Variants in ATF7IP observed in about 807,000 individuals in gnomAD.
ATF7IP encodes the protein activating transcription factor 7 interacting protein.
ATF7IP carries 23 observed loss-of-function variants against 106.4 expected under a neutral mutation model. The ratio of observed to expected loss-of-function variants is 0.22; its 90% confidence interval spans 0.16 to 0.31. ATF7IP has a LOEUF of 0.31. Among genes scored for constraint, ATF7IP ranks in the 10% least tolerant of loss-of-function variants. The pLI is 1.00. For missense variants in ATF7IP, 1,334 were observed against 1,524.3 expected (o/e 0.88, Z 2.08); for synonymous variants, 542 against 539.0 (o/e 1.01, Z -0.08).
At chr12:14,477,303 A>T (rs1944291803) in intron 11 of ATF7IP, among the ~76,000 whole-genome samples, 1 of 152,208 alleles carries the variant, frequency 6.6e-6, no homozygotes, top group Non-Finnish European at 1.5e-5. Flanking sequence ...TTAAAACTGA[A>T]TTGAGAAATG....
intron 10 of ATF7IP, among the ~76,000 whole-genome samples, chr12:14,474,273 G>A (rs1312025936): frequency 6.6e-6 from 1 of 150,740 alleles, no homozygotes; most frequent in Non-Finnish European, 1.5e-5. Flanking sequence ...CTGCTTTTAT[G>A]CCTACATTAA....
chr12:14,473,615 T>C (rs939935561), intron 10 of ATF7IP, among the ~76,000 whole-genome samples: 34 of 152,104 alleles, frequency 2.2e-4, no homozygotes, highest in African/African-American at 8.0e-4. Flanking sequence ...GTTTACCTTT[T>C]CTGGTCCTCT....
rs140864578 is a variant in ATF7IP, at chr12:14,454,583, A to T, written c.1996-1978A>T. 1.3e-3 allele frequency among the ~76,000 whole-genome samples: 198 copies of T among 152,148 alleles called. 1 individual carries two copies. The highest frequency in any genetic ancestry group is 4.7e-3 in the African/African-American group (193 of 41,486). The stretch of plus-strand genomic sequence containing the variant: ...GGGGTATAGTGAGTAAATGCAATGT[A>T]TTTTCCTAACTGTTCCAGTGTGCCT... On this transcript the variant is annotated intron_variant, in intron 6 of 14. Transcript: ENST00000261168.
At chr12:14,439,041 A>G (rs1027459088) in intron 5 of ATF7IP, among the ~76,000 whole-genome samples, 3 of 152,174 alleles carry the variant, frequency 2.0e-5, no homozygotes, top group Non-Finnish European at 4.4e-5. Context: ...CGTATTTATT[A>G]ATTTCTACTT....
intron 5 of ATF7IP, among the ~76,000 whole-genome samples, chr12:14,446,339 G>T (rs887435987): frequency 6.6e-6 from 1 of 151,962 alleles, no homozygotes; most frequent in South Asian, 2.1e-4. Flanking sequence ...GTAGAGATGG[G>T]GTTTCACCAT....
At chr12:14,457,446 TG>T in intron 8 of ATF7IP, 151 bp downstream of exon 8, 1 of 617,404 alleles carries the variant, frequency 1.6e-6, no homozygotes, top group Non-Finnish European at 2.8e-6. Context: ...AGGATCAAAC[TG>T]GGTATGGTGG....
chr12:14,473,806 G>A (rs574241434), intron 10 of ATF7IP, among the ~76,000 whole-genome samples: 2,069 of 146,328 alleles, frequency 0.014, 58 homozygotes, highest in African/African-American at 0.05. Context: ...ATTCTTAAAG[G>A]TTTTTTTTTT....
intron 1 of ATF7IP, among the ~76,000 whole-genome samples, chr12:14,406,752 C>T (rs1218715723): frequency 6.6e-6 from 1 of 151,394 alleles, no homozygotes; most frequent in African/African-American, 2.4e-5. Context: ...GCCACCACGC[C>T]TGGCTGACTT....
intron 13 of ATF7IP, among the ~76,000 whole-genome samples, chr12:14,491,177 T>C (rs1315856890): frequency 6.6e-6 from 1 of 152,190 alleles, no homozygotes; most frequent in Non-Finnish European, 1.5e-5. Context: ...ACGGACCTGC[T>C]GCAGAGCCTT....
At chr12:14,368,075 TTTAAA>T (rs1451461783) in intron 1 of ATF7IP, among the ~76,000 whole-genome samples, 9 of 152,102 alleles carry the variant, frequency 5.9e-5, no homozygotes, top group African/African-American at 1.4e-4. Context: ...CTATTTTTTC[TTTAAA>T]TTAGGTTTTG....
chr12:14,477,580 T>C (rs542258724), intron 11 of ATF7IP, among the ~76,000 whole-genome samples: 1 of 152,144 alleles, frequency 6.6e-6, no homozygotes, highest in Non-Finnish European at 1.5e-5. Context: ...CCTCATGGGG[T>C]CTTTTTGTTG....
intron 1 of ATF7IP, among the ~76,000 whole-genome samples, chr12:14,386,425 C>T (rs1047963614): frequency 2.0e-5 from 3 of 152,166 alleles, no homozygotes; most frequent in South Asian, 2.1e-4. Context: ...ATAATATACT[C>T]CTGGTTTTGT....
intron 1 of ATF7IP, among the ~76,000 whole-genome samples, chr12:14,399,807 C>T (rs1163683278): frequency 4.6e-5 from 7 of 151,948 alleles, no homozygotes; most frequent in Non-Finnish European, 7.4e-5. Context: ...GGATTTGGCA[C>T]CTGACCTTTT....
At chr12:14,366,409 C>G (rs1188203155) in intron 1 of ATF7IP, among the ~76,000 whole-genome samples, 1 of 152,056 alleles carries the variant, frequency 6.6e-6, no homozygotes, top group Non-Finnish European at 1.5e-5. Flanking sequence ...ATTTTTAACC[C>G]TATTTTTACC....
chr12:14,383,675 C>T (rs1939090240), intron 1 of ATF7IP, among the ~76,000 whole-genome samples: 1 of 152,174 alleles, frequency 6.6e-6, no homozygotes, highest in East Asian at 1.9e-4. Flanking sequence ...GCATCAGCCT[C>T]TTGAGTAGCT....
At position 14,461,031 on chromosome 12, in the gene ATF7IP, A is replaced by G; in HGVS notation, c.2695A>G (p.Ser899Gly). 6.2e-7 allele frequency: 1 copy of G among 1,614,158 alleles called. No individual in the cohort carries two copies. Among genetic ancestry groups the G allele is most frequent in the Non-Finnish European group, 8.5e-7 (1 of 1,180,028 alleles). ...LPTVGPSGLYSPSTNRGPIQM... is the reference protein window; with the variant it reads ...LPTVGPSGLYGPSTNRGPIQM... ...CACAGTGGGCCCATCAGGACTCTATAGTCCATCAACTAATCGAGGTCCTAT... is the reference window on the plus strand; with the variant it reads ...CACAGTGGGCCCATCAGGACTCTATGGTCCATCAACTAATCGAGGTCCTAT... Residue 899 changes from serine to glycine, a missense_variant, in exon 9 of 15, where the codon AGT becomes GGT. This residue lies in a region of ATF7IP where 370 missense variants were observed against 401.2 expected (regional missense o/e 0.92). Coordinates refer to ENST00000261168, the MANE Select transcript of ATF7IP (RefSeq NM_018179.5).
rs1213190961 is a variant in ATF7IP at position 14,475,979 on chromosome 12, A to G, written c.2941+11A>G. 2 of 1,606,506 alleles carry G rather than the reference A, an allele frequency of 1.2e-6. No homozygotes were observed. Among genetic ancestry groups the G allele is most frequent in the Non-Finnish European group, 8.5e-7 (1 of 1,173,138 alleles). On this transcript the variant is annotated intron_variant, in intron 11 of 14. Transcript: ENST00000261168. The stretch of plus-strand genomic sequence containing the variant: ...GTGGAGCTTCACAAGGTACTTCAAT[A>G]GTAATTGTACTAAGCAACGTTTTGA...
chr12:14,424,000 G>C lies in ATF7IP; in HGVS notation c.85G>C (p.Val29Leu). ...RVSDRQQLEA[V>L]YKVKEELLKT... is the part of the protein sequence containing the mutation. Reference sequence around the variant, plus strand: ...GAGTGATCGTCAGCAACTTGAAGCAGTGTACAAGGTCAAAGAAGAACTGTT... The same window carrying C: ...GAGTGATCGTCAGCAACTTGAAGCACTGTACAAGGTCAAAGAAGAACTGTT... Residue 29 changes from valine (V) to leucine (L), a missense_variant, in exon 2 of 15, where the codon GTG becomes CTG. Around this residue, in one of 10 missense-constraint regions of ATF7IP, gnomAD observed 74 missense variants for 101.9 expected, o/e 0.73. Transcript: ENST00000261168. 6.2e-7 allele frequency: 1 copy of C among 1,614,138 alleles called. No individual in the cohort carries two copies. The highest frequency in any genetic ancestry group is 1.1e-5 in the South Asian group (1 of 91,076).
intron 1 of ATF7IP, among the ~76,000 whole-genome samples, chr12:14,423,506 C>T (rs1444406107): frequency 6.8e-6 from 1 of 148,074 alleles, no homozygotes; most frequent in Non-Finnish European, 1.5e-5. Flanking sequence ...TTTCCTTTAT[C>T]TCTATACCTG....
Sources: gnomAD v4.1 joint callset for allele counts (sites outside exome capture counted in the v4.1 genomes callset) on GRCh38, gnomAD v4.1.1 for gene constraint, gnomAD v4.1.1 regional missense constraint, MANE v1.5 for transcripts, NCBI Gene and HGNC (gene_info 2026-07-23, HGNC 2026-07-21) for gene names.